FRK: variants seen among roughly 807,000 people sequenced by gnomAD.
FRK encodes fyn related Src family tyrosine kinase.
A neutral mutation model predicts 56.4 loss-of-function variants in FRK; 51 were observed. The observed-to-expected ratio is 0.90, with a 90% CI of 0.72 to 1.14. The LOEUF is 1.14. Ranked by LOEUF, FRK falls within the 50% of genes most tolerant of loss-of-function variation. FRK has a pLI of 0.00. For synonymous variants in FRK, 245 were observed against 217.9 expected, an observed-to-expected ratio of 1.12 and a Z score of -1.10; for missense variants, 570 against 601.4, an observed-to-expected ratio of 0.95 and a Z score of 0.55.
rs572630782 is a variant in FRK, at chr6:115,953,851, G to A, written c.958+2601C>T. On this transcript the variant is annotated intron_variant, in intron 5 of 7. Coordinates refer to ENST00000606080, the MANE Select transcript of FRK (RefSeq NM_002031.3). ...ACCTAATTAGCCCATACTTTCTTAT[G>A]TGCCAGACACTGTTCTAACTCTGAA... Among the ~76,000 whole-genome samples, 4 of 152,284 alleles carry A rather than the reference G, an allele frequency of 2.6e-5. No homozygotes were observed. The East Asian group carries it at 7.7e-4, about 29-fold the overall frequency.
chr6:116,039,190 A>G (rs1308107291), intron 1 of FRK: 3 of 1,335,640 alleles, frequency 2.2e-6, no homozygotes, highest in African/African-American at 2.9e-5. Flanking sequence ...TTTCGAGAAG[A>G]AAGAGGTCAT....
chr6:116,083,134 A>G, the FRK span, among the ~76,000 whole-genome samples: 1 of 152,216 alleles, frequency 6.6e-6, no homozygotes, highest in Admixed American at 6.5e-5. Flanking sequence ...ACTCTGTCAA[A>G]TGACGGTCAT....
intron 3 of FRK, 96 bp from the exon 4 acceptor site, chr6:115,967,815 A>G: frequency 3.2e-6 from 3 of 933,762 alleles, no homozygotes; most frequent in Non-Finnish European, 4.6e-6. Context: ...TTTAAATAAA[A>G]CTTCTTAAAA....
rs1771964806 is a variant in FRK, at chr6:115,931,941, C to T, written c.*10473G>A. On this transcript the variant is annotated 3_prime_UTR_variant, in exon 8 of 8. Coordinates refer to ENST00000606080, the MANE Select transcript of FRK (RefSeq NM_002031.3). ...CTTGAGGTGTGTTTGAGATATAGCA[C>T]CCTTTTCTGGAAAAGCTGATTATTC... 1 of 152,104 alleles carries T rather than the reference C, an allele frequency of 6.6e-6. No homozygotes were observed. The highest frequency in any genetic ancestry group is 2.4e-5 in the African/African-American group (1 of 41,428). The allele number at this position is 152,104 out of a possible 1,614,324, so 9.4% of individuals were successfully genotyped here. A position where few individuals can be genotyped will look rare whatever the true frequency, so the allele number is the denominator to read the frequency against.
upstream of FRK, among the ~76,000 whole-genome samples, chr6:116,061,339 C>G (rs886944308): frequency 6.6e-6 from 1 of 151,348 alleles, no homozygotes; most frequent in South Asian, 2.1e-4. Context: ...TGCTGAGAAC[C>G]CAAAATGTTG....
At chr6:116,039,163 A>T in intron 1 of FRK, 1 of 1,083,214 alleles carries the variant, frequency 9.2e-7, no homozygotes, top group Non-Finnish European at 1.4e-6. Flanking sequence ...GGGAAGTGGC[A>T]TCACTGAGAA....
intron 7 of FRK, among the ~76,000 whole-genome samples, 193 bp from the exon 8 acceptor site, chr6:115,942,818 C>A (rs1772243876): frequency 6.6e-6 from 1 of 152,130 alleles, no homozygotes; most frequent in African/African-American, 2.4e-5. Flanking sequence ...TATAAGACTG[C>A]AATTCACTAG....
intron 2 of FRK, among the ~76,000 whole-genome samples, chr6:115,986,234 A>G (rs1021743566): frequency 2.0e-5 from 3 of 152,078 alleles, no homozygotes; most frequent in Non-Finnish European, 2.9e-5. Context: ...GAAGCTTTAA[A>G]TAATTTGGTT....
chr6:116,060,978 A>G (rs1777605995), upstream of FRK, among the ~76,000 whole-genome samples: 2 of 152,172 alleles, frequency 1.3e-5, no homozygotes, highest in African/African-American at 4.8e-5. Flanking sequence ...TCCCACACCC[A>G]AGATAGACCA....
At chr6:116,066,838 A>G in the FRK span, among the ~76,000 whole-genome samples, 150 of 152,322 alleles carry the variant, frequency 9.8e-4, no homozygotes, top group African/African-American at 3.5e-3. Flanking sequence ...CTCAACCTAA[A>G]TAATGTATCA....
the FRK span, among the ~76,000 whole-genome samples, chr6:116,086,074 C>T: frequency 6.6e-6 from 1 of 151,492 alleles, no homozygotes; most frequent in Non-Finnish European, 1.5e-5. Flanking sequence ...GGCATGATCT[C>T]TGCTCACTGT....
chr6:116,002,776 G>A (rs572057833), intron 2 of FRK: 5 of 448,056 alleles, frequency 1.1e-5, no homozygotes, highest in Admixed American at 9.5e-5. Context: ...AGGACCTGAA[G>A]TACGGACCCT....
chr6:116,056,070 C>T (rs961884722), intron 1 of FRK, among the ~76,000 whole-genome samples: 3 of 152,146 alleles, frequency 2.0e-5, no homozygotes, highest in African/African-American at 7.2e-5. Flanking sequence ...CACCCCATTC[C>T]CCTCCTACCA....
intron 5 of FRK, among the ~76,000 whole-genome samples, chr6:115,955,403 A>G (rs1175299141): frequency 6.6e-6 from 1 of 152,146 alleles, no homozygotes; most frequent in East Asian, 1.9e-4. Flanking sequence ...TTTGTTAGCT[A>G]TGACCCAAGA....
At chr6:116,030,308 G>A (rs760969376) in intron 1 of FRK, among the ~76,000 whole-genome samples, 2 of 152,188 alleles carry the variant, frequency 1.3e-5, no homozygotes, top group South Asian at 2.1e-4. Flanking sequence ...CTGACCACTC[G>A]TGGTTTTGCC....
At chr6:115,971,119 T>C (rs1454805689) in intron 2 of FRK, among the ~76,000 whole-genome samples, 1 of 152,218 alleles carries the variant, frequency 6.6e-6, no homozygotes, top group African/African-American at 2.4e-5. Context: ...AAGAATACTT[T>C]TAAAATGTCA....
rs192040439 is a variant in FRK at position 115,932,812 on chromosome 6, C to T, written c.*9602G>A. On this transcript the variant is annotated 3_prime_UTR_variant, in exon 8 of 8. Coordinates refer to ENST00000606080, the MANE Select transcript of FRK (RefSeq NM_002031.3). The stretch of plus-strand genomic sequence containing the variant: ...TCCAATGGCAACAGTTTCCTTTAGG[C>T]CTCCACAGAGTCGGAAGAGTTTGGG... The T allele has an allele frequency of 1.4e-4, 21 of 152,338 alleles. No homozygotes were observed. The highest frequency in any genetic ancestry group is 4.8e-4 in the African/African-American group (20 of 41,568). 9.4% of individuals were successfully genotyped at this position (152,338 alleles called of 1,614,324 possible). A position where few individuals can be genotyped will look rare whatever the true frequency, so the allele number is the denominator to read the frequency against.
chr6:115,943,458 T>C (rs890144817), intron 6 of FRK, among the ~76,000 whole-genome samples: 3 of 144,002 alleles, frequency 2.1e-5, no homozygotes, highest in Non-Finnish European at 4.5e-5. Flanking sequence ...AATTAATACA[T>C]GATGATTCTG....
At chr6:116,077,899 C>T in the FRK span, among the ~76,000 whole-genome samples, 1 of 152,194 alleles carries the variant, frequency 6.6e-6, no homozygotes, top group Non-Finnish European at 1.5e-5. Context: ...GTGGCTCATG[C>T]CTGTAATCCC....
Sources: allele counts gnomAD v4.1 joint callset (sites outside exome capture counted in the v4.1 genomes callset), GRCh38; gene constraint gnomAD v4.1.1; transcripts MANE v1.5; gene names NCBI Gene and HGNC (gene_info 2026-07-23, HGNC 2026-07-21).